The following SHANK2 variants were observed in gnomAD, a reference collection of about 807,000 sequenced individuals.
SHANK2 encodes the protein SH3 and multiple ankyrin repeat domains protein 2.
SHANK2 carries 43 observed loss-of-function variants against 133.7 expected under a neutral mutation model. The ratio of observed to expected loss-of-function variants is 0.32; its 90% confidence interval spans 0.25 to 0.41. The LOEUF is 0.41. SHANK2 is among the 10% of genes least tolerant of loss of function. The probability of loss-of-function intolerance (pLI) is 1.00; values close to 1 mark genes in which losing one functional copy is unlikely to be tolerated. For synonymous variants in SHANK2, 1,017 were observed against 952.8 expected (o/e 1.07, Z -1.24); for missense variants, 1,994 against 2,235.8 (o/e 0.89, Z 2.18).
chr11:71,189,592 G>T (rs1290051808), intron 2 of SHANK2, among the ~76,000 whole-genome samples: 1 of 152,130 alleles, frequency 6.6e-6, no homozygotes, highest in African/African-American at 2.4e-5. Flanking sequence ...TAGACTCAGG[G>T]TTTCTCCATG....
At chr11:70,574,563 T>C (rs887551411) in intron 17 of SHANK2, among the ~76,000 whole-genome samples, 1 of 152,198 alleles carries the variant, frequency 6.6e-6, no homozygotes, top group Non-Finnish European at 1.5e-5. Context: ...CCAGGGGACT[T>C]CTAGTGACTG....
intron 17 of SHANK2, among the ~76,000 whole-genome samples, chr11:70,641,988 G>A (rs1555006532): frequency 6.6e-6 from 1 of 152,230 alleles, no homozygotes; most frequent in African/African-American, 2.4e-5. Context: ...GGTGACCAAG[G>A]TTCAGGCTCT....
intron 17 of SHANK2, among the ~76,000 whole-genome samples, chr11:70,605,182 C>T: frequency 7.3e-6 from 1 of 137,268 alleles, no homozygotes; most frequent in South Asian, 2.2e-4. Flanking sequence ...AAAAAGCCCC[C>T]TGTCATGCCA....
chr11:71,185,304 C>T (rs1415953209), intron 2 of SHANK2, among the ~76,000 whole-genome samples: 5 of 152,184 alleles, frequency 3.3e-5, no homozygotes, highest in South Asian at 2.1e-4. Context: ...TTGAGACACT[C>T]GAGGGACTGT....
chr11:70,658,264 GACACACACACACACACAGACACACAC>G (rs60583109), intron 17 of SHANK2, among the ~76,000 whole-genome samples: 35,528 of 89,008 alleles, frequency 0.4, 5,619 homozygotes, highest in Non-Finnish European at 0.45. Context: ...CACACACACA[GACACACACACACACACAGACACACAC>G]ACACACACAC....
intron 10 of SHANK2, 126 bp from the exon 11 acceptor site, chr11:70,896,693 C>T: frequency 1.6e-6 from 1 of 624,738 alleles, no homozygotes; most frequent in South Asian, 1.9e-5. Context: ...ATGGCAGCCG[C>T]AATATCAACA....
chr11:70,538,616 G>T (rs2059574229), intron 17 of SHANK2, among the ~76,000 whole-genome samples: 1 of 152,240 alleles, frequency 6.6e-6, no homozygotes, highest in Admixed American at 6.5e-5. Flanking sequence ...CCTGTCTGCT[G>T]CAGGAAATGC....
chr11:70,655,144 C>T (rs1555011267), intron 17 of SHANK2, among the ~76,000 whole-genome samples: 1 of 152,180 alleles, frequency 6.6e-6, no homozygotes, highest in Non-Finnish European at 1.5e-5. Flanking sequence ...TTACATACTA[C>T]CACATTGATT....
intron 6 of SHANK2, among the ~76,000 whole-genome samples, chr11:71,097,623 G>A (rs1358112241): frequency 2.0e-5 from 3 of 152,180 alleles, no homozygotes; most frequent in Non-Finnish European, 4.4e-5. Flanking sequence ...CCAGCAGACT[G>A]TTGGCTCCAG....
intron 1 of SHANK2, among the ~76,000 whole-genome samples, chr11:71,228,943 A>AT (rs1162029995): frequency 1.3e-5 from 2 of 152,180 alleles, no homozygotes; most frequent in Non-Finnish European, 2.9e-5. Context: ...CTGTTTCAAT[A>AT]TTTTTTAAAA....
rs117980159 is a variant in SHANK2, at chr11:70,608,728, C to T, written c.2061+51100G>A. Among the ~76,000 whole-genome samples, 81 of 152,332 alleles carry T rather than the reference C, an allele frequency of 5.3e-4. 1 individual carries two copies. The East Asian group carries it at 0.015, about 28-fold the overall frequency. On this transcript the variant is annotated intron_variant, in intron 17 of 25. Coordinates refer to ENST00000601538, the MANE Select transcript of SHANK2 (RefSeq NM_012309.5). ...TGAGGGCCACGGGCTCCCGGAAACCCATTCACAGCCGAAAGCTCGTGCTAT... is the reference window on the plus strand; with the variant it reads ...TGAGGGCCACGGGCTCCCGGAAACCTATTCACAGCCGAAAGCTCGTGCTAT...
At chr11:70,955,262 G>A (rs1330567468) in intron 10 of SHANK2, among the ~76,000 whole-genome samples, 7 of 152,100 alleles carry the variant, frequency 4.6e-5, no homozygotes, top group African/African-American at 1.4e-4. Flanking sequence ...GTGGGGAGAA[G>A]GCTGCCCTCT....
intron 10 of SHANK2, among the ~76,000 whole-genome samples, chr11:70,898,397 A>G (rs1555076152): frequency 1.3e-5 from 2 of 152,054 alleles, no homozygotes; most frequent in African/African-American, 4.8e-5. Context: ...AATATTATGG[A>G]AATGCTTTGG....
At position 70,486,995 on chromosome 11, in the gene SHANK2, G is replaced by C; in HGVS notation, c.3298C>G (p.Pro1100Ala). 3 of 1,611,224 alleles carry C rather than the reference G, an allele frequency of 1.9e-6. No individual in the cohort carries two copies. The highest frequency in any genetic ancestry group is 2.5e-6 in the Non-Finnish European group (3 of 1,179,778). ...CCCAGGTCTGTGGAGAGGAAGGCCG[G>C]GGAGTTCCTCCTGGCTTCCAGCCGC... is the stretch of plus-strand genomic sequence containing the variant. ...EKRLEARRNSPAFLSTDLGDE... is the reference protein window; with the variant it reads ...EKRLEARRNSAAFLSTDLGDE... Residue 1100 changes from proline to alanine, a missense_variant, in exon 25 of 26, where the codon CCG (proline) becomes GCG (alanine). Around this residue, in one of 5 missense-constraint regions of SHANK2, gnomAD observed 488 missense variants for 642.6 expected, o/e 0.76. Coordinates refer to ENST00000601538, the MANE Select transcript of SHANK2 (RefSeq NM_012309.5). The surrounding 1 kb of genome is among the most constrained non-coding windows in gnomAD (Gnocchi z 8.0).
chr11:71,167,527 T>C (rs1953187092), intron 2 of SHANK2, among the ~76,000 whole-genome samples: 1 of 119,502 alleles, frequency 8.4e-6, no homozygotes, highest in Non-Finnish European at 1.7e-5. Flanking sequence ...ACAGGGCGGC[T>C]GGCCGGGCGG....
chr11:71,214,691 A>C (rs1282611385), intron 2 of SHANK2, among the ~76,000 whole-genome samples: 1 of 152,200 alleles, frequency 6.6e-6, no homozygotes, highest in Non-Finnish European at 1.5e-5. Flanking sequence ...GGCCCACCCA[A>C]GTGCCCACCC....
chr11:71,093,942 C>T (rs1400708053), intron 7 of SHANK2, among the ~76,000 whole-genome samples: 8 of 152,110 alleles, frequency 5.3e-5, no homozygotes, highest in African/African-American at 7.2e-5. Flanking sequence ...TGTCCAGAGG[C>T]GCCGTGGCTG....
Position 71,239,187 on chromosome 11 carries a change from A to C in SHANK2, c.-113+13238T>G, listed in dbSNP as rs1954859365. Among the ~76,000 whole-genome samples the C allele has an allele frequency of 7.2e-5, 11 of 152,226 alleles. No individual in the cohort carries two copies. In the South Asian group the frequency reaches 2.3e-3, roughly 32 times the overall value. The stretch of plus-strand genomic sequence containing the variant: ...CATCCCTTTCTGTTCTACTGGTTGT[A>C]ACACGCAACATGCTACATGGGCTCA... On this transcript the variant is annotated intron_variant, in intron 1 of 25. Coordinates refer to ENST00000601538, the MANE Select transcript of SHANK2 (RefSeq NM_012309.5).
chr11:70,742,020 C>T (rs782412227), intron 14 of SHANK2, among the ~76,000 whole-genome samples: 2 of 152,214 alleles, frequency 1.3e-5, no homozygotes, highest in African/African-American at 4.8e-5. Context: ...TGGTCTCTTC[C>T]GAGTCCCCAC....
Sources: gnomAD v4.1 joint callset for allele counts (sites outside exome capture counted in the v4.1 genomes callset) on GRCh38, gnomAD v4.1.1 for gene constraint, gnomAD v4.1.1 regional missense constraint, Gnocchi (gnomAD v3.1) non-coding constraint, MANE v1.5 for transcripts, NCBI Gene and HGNC (gene_info 2026-07-23, HGNC 2026-07-21) for gene names.